Variants in UHRF1 observed in about 807,000 individuals in gnomAD.
UHRF1 encodes the protein E3 ubiquitin-protein ligase UHRF1.
A neutral mutation model predicts 96.5 loss-of-function variants in UHRF1; 9 were observed. The ratio of observed to expected loss-of-function variants is 0.09; its 90% confidence interval spans 0.06 to 0.16. The LOEUF (loss-of-function observed/expected upper bound fraction) is 0.16. Among genes scored for constraint, UHRF1 ranks in the 10% least tolerant of loss-of-function variants. UHRF1 has a pLI of 1.00. For missense variants in UHRF1, 626 were observed against 1,131.1 expected (o/e 0.55, Z 6.40); for synonymous variants, 455 against 469.9 (o/e 0.97, Z 0.41).
Position 4,950,865 on chromosome 19 carries a change from A to C in UHRF1, c.1687A>C (p.Lys563Gln). The C allele has an allele frequency of 6.2e-7, 1 of 1,613,598 alleles. No homozygotes were observed. The highest frequency in any genetic ancestry group is 8.5e-7 in the Non-Finnish European group (1 of 1,179,848). Residue 563 changes from lysine to glutamine, a missense_variant, in exon 13 of 17, where the codon AAA becomes CAA. Physicochemically the swap from Lys to Gln is moderately conservative, Grantham distance 53. Around this residue, in one of 11 missense-constraint regions of UHRF1, gnomAD observed 61 missense variants for 199.2 expected, o/e 0.31. Coordinates refer to ENST00000650932, the MANE Select transcript of UHRF1 (RefSeq NM_001048201.3). The stretch of plus-strand genomic sequence containing the variant: ...TGATGCCCGCTCTCTGCAGGTTGTG[A>C]AATACTGGCCCGAGAAGGGGAAGTC... ...NRYDGIYKVVKYWPEKGKSGF... is the reference protein window; with the variant it reads ...NRYDGIYKVVQYWPEKGKSGF...
In UHRF1 at chr19:4,950,599, C is replaced by T; in HGVS notation, c.1518-12C>T. On this transcript the variant is annotated splice_polypyrimidine_tract_variant and intron_variant, in intron 11 of 16. Coordinates refer to ENST00000650932, the MANE Select transcript of UHRF1 (RefSeq NM_001048201.3). The stretch of plus-strand genomic sequence containing the variant: ...TCACCTATAATGCGTGGGGTCCTGA[C>T]TCTCCCTGCAGGGCGCTGGCTCTCA... The T allele has an allele frequency of 1.2e-6, 2 of 1,609,932 alleles. No homozygotes were observed.
intron 16 of UHRF1, among the ~76,000 whole-genome samples, chr19:4,959,256 G>A (rs1450356404): frequency 6.6e-6 from 1 of 151,982 alleles, no homozygotes; most frequent in East Asian, 1.9e-4. Context: ...CTTGAACCCG[G>A]GAGGTGGAGG....
At chr19:4,914,723 C>T (rs915494397) in intron 2 of UHRF1, among the ~76,000 whole-genome samples, 33 of 151,582 alleles carry the variant, frequency 2.2e-4, no homozygotes, top group African/African-American at 6.6e-4. Flanking sequence ...TTAACCTGCT[C>T]GGGTACAACG....
At chr19:4,905,506 ATTAT>A (rs530528534), upstream of UHRF1, among the ~76,000 whole-genome samples, 57 of 149,554 alleles carry the variant, frequency 3.8e-4, no homozygotes, top group African/African-American at 1.1e-3. Flanking sequence ...AGTGTATTTT[ATTAT>A]TTATTTATTT....
intron 2 of UHRF1, among the ~76,000 whole-genome samples, chr19:4,922,981 T>A (rs1031687379): frequency 3.9e-5 from 6 of 152,190 alleles, no homozygotes; most frequent in East Asian, 3.9e-4. Context: ...ACAGATGTTG[T>A]CCCTAGTAAC....
intron 15 of UHRF1, among the ~76,000 whole-genome samples, chr19:4,956,251 A>G (rs1259504952): frequency 1.3e-5 from 2 of 152,034 alleles, no homozygotes; most frequent in African/African-American, 4.8e-5. Flanking sequence ...TTTTTTGTAG[A>G]GATGGGGGTC....
chr19:4,904,705 A>G (rs2146264478), upstream of UHRF1, among the ~76,000 whole-genome samples: 1 of 152,330 alleles, frequency 6.6e-6, no homozygotes, highest in Non-Finnish European at 1.5e-5. Context: ...GTGCCCATCA[A>G]TGTCTGCGTG....
intron 13 of UHRF1, among the ~76,000 whole-genome samples, chr19:4,952,795 G>C (rs556564302): frequency 3.6e-4 from 55 of 151,826 alleles, no homozygotes; most frequent in Admixed American, 7.9e-4. Context: ...AGGTACCTTC[G>C]AAATGGAGCG....
At chr19:4,929,138 C>G in intron 2 of UHRF1, 84 bp from the exon 3 acceptor site, 1 of 1,525,182 alleles carries the variant, frequency 6.6e-7, no homozygotes, top group South Asian at 1.2e-5. Context: ...GGCTGGGACA[C>G]AGTGTTTGGT....
chr19:4,943,184 G>C (rs1320744668), intron 7 of UHRF1, among the ~76,000 whole-genome samples: 1 of 151,860 alleles, frequency 6.6e-6, no homozygotes, highest in Non-Finnish European at 1.5e-5. Flanking sequence ...AGGTTGCCGT[G>C]AACTGAGATC....
At chr19:4,909,870 C>A (rs928220640) in intron 1 of UHRF1, 2 of 378,650 alleles carry the variant, frequency 5.3e-6, no homozygotes, top group Admixed American at 9.2e-5. Context: ...CGGAGCCCGG[C>A]GGGGGGTCGA....
chr19:4,957,311 T>G (rs1237392077), intron 16 of UHRF1, among the ~76,000 whole-genome samples: 7 of 138,816 alleles, frequency 5.0e-5, no homozygotes, highest in Admixed American at 5.0e-4. Context: ...TTTTTTTTTT[T>G]TTTTTTTTTT....
upstream of UHRF1, among the ~76,000 whole-genome samples, chr19:4,908,375 A>G (rs1424363619): frequency 6.6e-6 from 1 of 152,118 alleles, no homozygotes; most frequent in African/African-American, 2.4e-5. Flanking sequence ...TGGGAACTCA[A>G]CATTTTTCTG....
At chr19:4,928,894 C>A in intron 2 of UHRF1, among the ~76,000 whole-genome samples, 1 of 152,164 alleles carries the variant, frequency 6.6e-6, no homozygotes, top group East Asian at 1.9e-4. Flanking sequence ...CAAAAGCTGC[C>A]GTAAGCACGA....
chr19:4,914,656 C>CTT (rs11317452), intron 2 of UHRF1, among the ~76,000 whole-genome samples: 4 of 139,256 alleles, frequency 2.9e-5, no homozygotes, highest in African/African-American at 5.2e-5. Flanking sequence ...ACCCCTCAAT[C>CTT]TTTTTTTTTT....
chr19:4,956,223 G>A (rs751691924), intron 15 of UHRF1, among the ~76,000 whole-genome samples: 1 of 152,156 alleles, frequency 6.6e-6, no homozygotes, highest in Non-Finnish European at 1.5e-5. Context: ...GAGCCACCAT[G>A]CCCGGCCTAT....
chr19:4,931,954 CAG>C (rs1365081221), intron 4 of UHRF1, among the ~76,000 whole-genome samples: 2 of 152,032 alleles, frequency 1.3e-5, no homozygotes, highest in East Asian at 1.9e-4. Context: ...GTTTTTGAGA[CAG>C]AGTTTCACTC....
Position 4,909,516 on chromosome 19 carries a change from G to A in UHRF1, c.-150G>A, listed in dbSNP as rs2032161276. On this transcript the variant is annotated 5_prime_UTR_variant, in exon 1 of 17. Coordinates refer to ENST00000650932, the MANE Select transcript of UHRF1 (RefSeq NM_001048201.3). The stretch of plus-strand genomic sequence containing the variant: ...GAAAAAAATCAGAGCAGCTGGCAGC[G>A]CGGCGGGCAGCGTTTGCCGAGCGGG... 2 of 657,414 alleles carry A rather than the reference G, an allele frequency of 3.0e-6. No individual in the cohort carries two copies. The highest frequency in any genetic ancestry group is 1.9e-5 in the African/African-American group (1 of 52,528). The allele number at this position is 657,414 out of a possible 1,614,324, so 40.7% of individuals were successfully genotyped here.
At chr19:4,959,842 C>T (rs945757132) in intron 16 of UHRF1, among the ~76,000 whole-genome samples, 7 of 151,680 alleles carry the variant, frequency 4.6e-5, no homozygotes, top group African/African-American at 1.7e-4. Context: ...GGAGTAGCCA[C>T]GCCCGGCTAA....
Sources: gnomAD v4.1 joint callset for allele counts (sites outside exome capture counted in the v4.1 genomes callset) on GRCh38, gnomAD v4.1.1 for gene constraint, gnomAD v4.1.1 regional missense constraint, MANE v1.5 for transcripts, NCBI Gene and HGNC (gene_info 2026-07-23, HGNC 2026-07-21) for gene names.